Variants in MALRD1 observed in about 807,000 individuals in gnomAD.
MALRD1 encodes the protein MAM and LDL-receptor class A domain-containing protein 1.
A neutral mutation model predicts 242.1 loss-of-function variants in MALRD1; 247 were observed. That is an observed-to-expected ratio of 1.02 (90% CI 0.92 to 1.13). MALRD1 has a LOEUF of 1.13. Ranked by LOEUF, MALRD1 falls within the 50% of genes most tolerant of loss-of-function variation. The pLI, the probability that MALRD1 is intolerant of heterozygous loss-of-function variation, is 0.00. For missense variants in MALRD1, 2,989 were observed against 2,533.1 expected (o/e 1.18, Z -3.86); for synonymous variants, 995 against 866.6 (o/e 1.15, Z -2.60).
intron 26 of MALRD1, among the ~76,000 whole-genome samples, chr10:19,378,427 G>A (rs1490121193): frequency 6.6e-6 from 1 of 152,020 alleles, no homozygotes; most frequent in African/African-American, 2.4e-5. Flanking sequence ...TCTTTTTGGT[G>A]GCCATGGAAA....
chr10:19,436,322 A>G (rs748415773), intron 28 of MALRD1, among the ~76,000 whole-genome samples: 47 of 152,312 alleles, frequency 3.1e-4, no homozygotes, highest in Admixed American at 5.9e-4. Flanking sequence ...ATATGCAATC[A>G]TCTGTATCTA....
chr10:19,494,047 G>T (rs1324218141), intron 30 of MALRD1, among the ~76,000 whole-genome samples: 1 of 152,140 alleles, frequency 6.6e-6, no homozygotes. Flanking sequence ...AGGGCATTAA[G>T]AGGGAGCACA....
chr10:19,268,312 C>A (rs1406127338), intron 19 of MALRD1, among the ~76,000 whole-genome samples: 2 of 151,716 alleles, frequency 1.3e-5, no homozygotes, highest in South Asian at 4.2e-4. Context: ...ATAATAGTAT[C>A]CAAAGAATAG....
In MALRD1 at chr10:19,066,704, C is replaced by A. The variant is rs1834990533; in HGVS notation, c.200-15C>A. The A allele has an allele frequency of 4.9e-6, 6 of 1,233,420 alleles. No individual in the cohort carries two copies. Among genetic ancestry groups the A allele is most frequent in the Middle Eastern group, 2.1e-4 (1 of 4,858 alleles). The allele number at this position is 1,233,420 out of a possible 1,614,324, so 76.4% of individuals were successfully genotyped here. On this transcript the variant is annotated splice_polypyrimidine_tract_variant and intron_variant, in intron 1 of 39. Coordinates refer to ENST00000454679, the MANE Select transcript of MALRD1 (RefSeq NM_001142308.3). The stretch of plus-strand genomic sequence containing the variant: ...AACACAGTTGTGAAAACCAACTTTT[C>A]TTCTTTCTCATTAGGTTTGAATTAT...
At chr10:19,512,353 G>A (rs1188634035) in intron 31 of MALRD1, among the ~76,000 whole-genome samples, 1 of 152,186 alleles carries the variant, frequency 6.6e-6, no homozygotes, top group Non-Finnish European at 1.5e-5. Context: ...TTCATAATTG[G>A]TGCTTTCCAG....
intron 38 of MALRD1, among the ~76,000 whole-genome samples, chr10:19,718,273 T>G (rs1834509993): frequency 6.6e-6 from 1 of 151,218 alleles, no homozygotes. Flanking sequence ...CTGGATAATT[T>G]ATAAAGAAAA....
chr10:19,480,672 G>T (rs1479646927), intron 29 of MALRD1, among the ~76,000 whole-genome samples: 1 of 152,228 alleles, frequency 6.6e-6, no homozygotes, highest in Non-Finnish European at 1.5e-5. Context: ...GGCAAGGAGT[G>T]AGTGATGACT....
intron 38 of MALRD1, among the ~76,000 whole-genome samples, chr10:19,699,017 G>GA (rs1206605431): frequency 2.6e-5 from 4 of 151,910 alleles, no homozygotes; most frequent in East Asian, 1.9e-4. Context: ...ACAGGGAGGG[G>GA]ATATCACACA....
At chr10:19,292,469 T>TA (rs759906121) in intron 21 of MALRD1, among the ~76,000 whole-genome samples, 17 of 151,320 alleles carry the variant, frequency 1.1e-4, no homozygotes, top group Admixed American at 2.6e-4. Context: ...TACCCAGATT[T>TA]AAAAAAAAAC....
At chr10:19,052,628 C>A (rs1461240766) in intron 1 of MALRD1, among the ~76,000 whole-genome samples, 1 of 152,154 alleles carries the variant, frequency 6.6e-6, no homozygotes, top group Non-Finnish European at 1.5e-5. Context: ...GCCCAGGGGG[C>A]TTGATAGAGT....
Position 19,607,787 on chromosome 10 carries a change from C to G in MALRD1, c.5955C>G (p.Ser1985Arg). Residue 1985 changes from serine (S) to arginine (R), a missense_variant, in exon 35 of 40, where the codon AGC (serine) becomes AGG (arginine). Physicochemically the swap from Ser to Arg is moderately radical, Grantham distance 110 (BLOSUM62 -1). Transcript: ENST00000454679. ...NEDELICSNK[S>R]CSNGALVCAS... ...CTTTTTTTTTTGCAGCCAACAAAAGCTGTTCTAATGGAGCTCTGGTGTGTG... is the reference window on the plus strand; with the variant it reads ...CTTTTTTTTTTGCAGCCAACAAAAGGTGTTCTAATGGAGCTCTGGTGTGTG... The G allele has an allele frequency of 6.5e-7, 1 of 1,547,876 alleles. No individual in the cohort carries two copies. Among genetic ancestry groups the G allele is most frequent in the Non-Finnish European group, 8.7e-7 (1 of 1,145,768 alleles).
chr10:19,440,670 G>C (rs7899800), intron 28 of MALRD1, among the ~76,000 whole-genome samples: 17 of 151,926 alleles, frequency 1.1e-4, no homozygotes, highest in Non-Finnish European at 2.1e-4. Context: ...AAAGGACATG[G>C]ACTCATCCTT....
intron 29 of MALRD1, among the ~76,000 whole-genome samples, chr10:19,487,344 G>T (rs1435036836): frequency 7.6e-6 from 1 of 131,268 alleles, no homozygotes; most frequent in African/African-American, 3.0e-5. Context: ...AAAAATATAC[G>T]TGAGGCTGTT....
chr10:19,641,888 C>T (rs571783192), intron 36 of MALRD1, among the ~76,000 whole-genome samples: 1 of 152,164 alleles, frequency 6.6e-6, no homozygotes, highest in South Asian at 2.1e-4. Flanking sequence ...GGTGTTACAA[C>T]CCACAGATCT....
chr10:19,343,002 T>A (rs566161875), intron 24 of MALRD1, among the ~76,000 whole-genome samples: 2 of 152,106 alleles, frequency 1.3e-5, no homozygotes, highest in Non-Finnish European at 2.9e-5. Context: ...GCCTTATGAA[T>A]TTTCAAAAGG....
intron 29 of MALRD1, among the ~76,000 whole-genome samples, chr10:19,479,052 C>T (rs1185194119): frequency 1.3e-5 from 2 of 152,152 alleles, no homozygotes; most frequent in African/African-American, 4.8e-5. Flanking sequence ...GTGAAGCCAG[C>T]CCAAGCAATT....
At chr10:19,337,998 G>T (rs1035857699) in intron 24 of MALRD1, among the ~76,000 whole-genome samples, 2 of 151,364 alleles carry the variant, frequency 1.3e-5, no homozygotes, top group Admixed American at 1.3e-4. Context: ...GGAGGCAGAG[G>T]TTGTAGTGAG....
chr10:19,218,446 C>A (rs1837421044), intron 18 of MALRD1, among the ~76,000 whole-genome samples: 1 of 152,096 alleles, frequency 6.6e-6, no homozygotes, highest in African/African-American at 2.4e-5. Flanking sequence ...GTTCTCTGTG[C>A]TTCAGAATTC....
chr10:19,587,048 T>G (rs1165084602), intron 33 of MALRD1, among the ~76,000 whole-genome samples: 1 of 152,250 alleles, frequency 6.6e-6, no homozygotes, highest in Non-Finnish European at 1.5e-5. Flanking sequence ...GACCCCTTGC[T>G]CTTCCCGAGT....
Sources: gnomAD v4.1 joint callset for allele counts (sites outside exome capture counted in the v4.1 genomes callset) on GRCh38, gnomAD v4.1.1 for gene constraint, MANE v1.5 for transcripts, NCBI Gene and HGNC (gene_info 2026-07-23, HGNC 2026-07-21) for gene names.